The following DCDC1 variants were observed in gnomAD, a reference collection of about 807,000 sequenced individuals.
The protein encoded by DCDC1 is doublecortin domain-containing protein 1.
In DCDC1, 200 loss-of-function variants were observed where a neutral mutation model predicts 178.3. That is an observed-to-expected ratio of 1.12 (90% CI 1.00 to 1.26). The LOEUF is 1.26. Ranked by LOEUF, DCDC1 falls within the 50% of genes most tolerant of loss-of-function variation. The pLI, the probability that DCDC1 is intolerant of heterozygous loss-of-function variation, is 0.00. For synonymous variants in DCDC1, 690 were observed against 604.8 expected (o/e 1.14, Z -2.07); for missense variants, 1,983 against 1,749.2 (o/e 1.13, Z -2.38).
intron 12 of DCDC1, among the ~76,000 whole-genome samples, chr11:31,108,917 C>T (rs929411192): frequency 6.6e-6 from 1 of 152,068 alleles, no homozygotes; most frequent in African/African-American, 2.4e-5. Flanking sequence ...GAGTGTGAAA[C>T]ATCTTAGGCT....
chr11:30,900,121 C>T (rs971980575), intron 33 of DCDC1, among the ~76,000 whole-genome samples: 1 of 152,080 alleles, frequency 6.6e-6, no homozygotes, highest in African/African-American at 2.4e-5. Flanking sequence ...TTTTTCCACA[C>T]AGAATACTCA....
chr11:31,178,553 C>T (rs1157237404), intron 9 of DCDC1, among the ~76,000 whole-genome samples: 1 of 152,050 alleles, frequency 6.6e-6, no homozygotes, highest in Non-Finnish European at 1.5e-5. Context: ...TTTTCCACAG[C>T]ACAGGAAACT....
At chr11:30,920,647 G>A (rs1472762941) in intron 25 of DCDC1, 129 bp downstream of exon 25, 2 of 1,044,884 alleles carry the variant, frequency 1.9e-6, no homozygotes, top group African/African-American at 3.2e-5. Flanking sequence ...TTAAATACTA[G>A]CTCTTCAGCT....
chr11:31,361,292 C>A (rs1410975947), intron 1 of DCDC1, among the ~76,000 whole-genome samples: 3 of 152,130 alleles, frequency 2.0e-5, no homozygotes, highest in Non-Finnish European at 4.4e-5. Flanking sequence ...TGGCATGCAT[C>A]TGCAAGGGAT....
intron 34 of DCDC1, among the ~76,000 whole-genome samples, chr11:30,895,615 G>A (rs1944141574): frequency 6.6e-6 from 1 of 151,974 alleles, no homozygotes; most frequent in African/African-American, 2.4e-5. Context: ...AAAATAAATG[G>A]CAATAATGAC....
intron 9 of DCDC1, among the ~76,000 whole-genome samples, chr11:31,212,094 A>AC (rs1243718451): frequency 6.6e-6 from 1 of 151,914 alleles, no homozygotes; most frequent in East Asian, 1.9e-4. Flanking sequence ...AAAAAAAAAA[A>AC]AAAACAGCTA....
chr11:30,943,934 C>A, intron 21 of DCDC1: 1 of 243,256 alleles, frequency 4.1e-6, no homozygotes, highest in Non-Finnish European at 8.2e-6. Context: ...TTCCATATTT[C>A]TATATTGTTC....
chr11:31,044,916 TG>T (rs552709956), intron 20 of DCDC1, among the ~76,000 whole-genome samples: 69 of 152,330 alleles, frequency 4.5e-4, no homozygotes, highest in African/African-American at 1.7e-3. Context: ...TACAATACCA[TG>T]TGGTGCTGAT....
chr11:31,291,705 C>T (rs1216267528), intron 6 of DCDC1, among the ~76,000 whole-genome samples: 3 of 151,952 alleles, frequency 2.0e-5, no homozygotes, highest in Non-Finnish European at 4.4e-5. Flanking sequence ...ACATAAATTA[C>T]AAAAATACAA....
chr11:31,238,374 C>G (rs2774408), intron 9 of DCDC1, among the ~76,000 whole-genome samples: 152,148 of 152,228 alleles, frequency 1, 76,034 homozygotes, highest in Middle Eastern at 1. Context: ...AAATAAAGAA[C>G]ATCATGTTTA....
intron 15 of DCDC1, among the ~76,000 whole-genome samples, chr11:31,098,267 T>A (rs1958280954): frequency 6.6e-6 from 1 of 152,190 alleles, no homozygotes; most frequent in South Asian, 2.1e-4. Context: ...TGGAAACATC[T>A]AGTTTGATTG....
At chr11:31,048,642 A>G (rs879537684) in intron 20 of DCDC1, among the ~76,000 whole-genome samples, 5 of 152,126 alleles carry the variant, frequency 3.3e-5, no homozygotes, top group South Asian at 4.1e-4. Flanking sequence ...TCACGAGGTC[A>G]GGAGATCGAG....
At chr11:31,104,155 C>G (rs114767125) in intron 13 of DCDC1, among the ~76,000 whole-genome samples, 2 of 152,058 alleles carry the variant, frequency 1.3e-5, no homozygotes, top group African/African-American at 4.8e-5. Flanking sequence ...TATTTGGCCA[C>G]GAACAACTAT....
At chr11:31,034,439 C>T (rs1485728273) in intron 20 of DCDC1, among the ~76,000 whole-genome samples, 1 of 152,054 alleles carries the variant, frequency 6.6e-6, no homozygotes, top group African/African-American at 2.4e-5. Flanking sequence ...TTGGACTCAC[C>T]CAATGCAACT....
At chr11:30,895,019 TACC>T (rs2134069481) in intron 34 of DCDC1, among the ~76,000 whole-genome samples, 1 of 152,342 alleles carries the variant, frequency 6.6e-6, no homozygotes, top group East Asian at 1.9e-4. Context: ...TATGTGTTCT[TACC>T]ACTAGACCAC....
chr11:31,241,001 T>C lies in DCDC1; in HGVS notation c.1221+449A>G, dbSNP rs550737517. Among the ~76,000 whole-genome samples the C allele has an allele frequency of 4.6e-5, 7 of 152,150 alleles. No homozygotes were observed. The South Asian group carries it at 1.4e-3, about 31-fold the overall frequency. ...ACAAGTTAAATAAGGATAAATGAAG[T>C]AAGCTACTCTTGACATGAAGTTGAT... On this transcript the variant is annotated intron_variant, in intron 9 of 38. Coordinates refer to ENST00000684477, the MANE Select transcript of DCDC1 (RefSeq NM_001387274.1).
At chr11:30,969,630 G>T (rs1011327767) in intron 20 of DCDC1, among the ~76,000 whole-genome samples, 4 of 152,154 alleles carry the variant, frequency 2.6e-5, no homozygotes, top group African/African-American at 9.7e-5. Context: ...AACAGTAATT[G>T]CTTCTTTGCT....
chr11:31,177,652 A>C (rs1042730144), intron 9 of DCDC1, among the ~76,000 whole-genome samples: 4 of 152,150 alleles, frequency 2.6e-5, no homozygotes, highest in African/African-American at 9.7e-5. Flanking sequence ...TTAAAGACAA[A>C]TATAGACTGA....
intron 20 of DCDC1, among the ~76,000 whole-genome samples, chr11:31,063,043 T>C (rs1162043822): frequency 1.0e-4 from 15 of 145,326 alleles, no homozygotes; most frequent in African/African-American, 3.8e-4. Context: ...GGGCAAAGGA[T>C]ATGAACAGAC....
Sources: allele counts gnomAD v4.1 joint callset (sites outside exome capture counted in the v4.1 genomes callset), GRCh38; gene constraint gnomAD v4.1.1; transcripts MANE v1.5; gene names NCBI Gene and HGNC (gene_info 2026-07-23, HGNC 2026-07-21).